Variants in FAM200B observed in about 807,000 individuals in gnomAD.
FAM200B encodes protein FAM200B.
In FAM200B, 32 loss-of-function variants were observed where a neutral mutation model predicts 33.1. The observed-to-expected ratio is 0.97, with a 90% confidence interval of 0.73 to 1.30. The LOEUF (loss-of-function observed/expected upper bound fraction) is 1.30. FAM200B is among the 50% of genes most tolerant of loss of function. The pLI, the probability that FAM200B is intolerant of heterozygous loss-of-function variation, is 0.00. For missense variants in FAM200B, 741 were observed against 754.0 expected, an observed-to-expected ratio of 0.98 and a Z score of 0.20; for synonymous variants, 240 against 264.8, an observed-to-expected ratio of 0.91 and a Z score of 0.91.
chr4:15,653,106 AT>A, the FAM200B span, among the ~76,000 whole-genome samples: 6,256 of 151,282 alleles, frequency 0.041, 278 homozygotes, highest in East Asian at 0.2. Context: ...ATTCCTATGC[AT>A]TTTTTTTTCC....
rs772467639 is a variant in FAM200B at position 15,688,792 on chromosome 4, C to T, written c.1815C>T (p.Phe605=). The T allele has an allele frequency of 3.2e-6, 5 of 1,551,350 alleles. No homozygotes were observed. The South Asian group carries it at 6.0e-5, about 18-fold the overall frequency. Residue 605 remains phenylalanine, a synonymous_variant, in exon 2 of 2, where the codon TTC becomes TTT. Transcript: ENST00000422728. ...AGAGTGTCCTGCTATTGCTACCATT[C>T]ACAACAACTAGTTTGTGTGAACTAG... ...SRKSVLLLLP[F]TTTSLCELGF... is the part of the protein sequence containing the mutation.
chr4:15,648,431 C>A, the FAM200B span, among the ~76,000 whole-genome samples: 1 of 152,160 alleles, frequency 6.6e-6, no homozygotes, highest in Non-Finnish European at 1.5e-5. Context: ...TATCTGCACT[C>A]CCATGTTCAA....
the FAM200B span, chr4:15,659,640 G>T: frequency 2.3e-6 from 1 of 431,126 alleles, no homozygotes. Flanking sequence ...GAGATATAAT[G>T]TGTATAGTGG....
At chr4:15,653,870 G>A in the FAM200B span, among the ~76,000 whole-genome samples, 2 of 152,158 alleles carry the variant, frequency 1.3e-5, no homozygotes, top group African/African-American at 2.4e-5. Flanking sequence ...TGATGTCTGG[G>A]TGAAATCCTA....
upstream of FAM200B, among the ~76,000 whole-genome samples, chr4:15,679,571 A>C (rs1016547207): frequency 2.0e-4 from 30 of 151,260 alleles, no homozygotes; most frequent in Non-Finnish European, 3.8e-4. Flanking sequence ...ACAAAAAAAA[A>C]AAAAAACAAA....
the FAM200B span, among the ~76,000 whole-genome samples, chr4:15,647,091 TGTG>T: frequency 1.3e-5 from 2 of 150,824 alleles, no homozygotes; most frequent in African/African-American, 2.4e-5. Context: ...GGAGTGGTGG[TGTG>T]CACCTGTAGT....
At chr4:15,682,845 G>T (rs1001659321) in intron 1 of FAM200B, among the ~76,000 whole-genome samples, 1 of 152,212 alleles carries the variant, frequency 6.6e-6, no homozygotes, top group Non-Finnish European at 1.5e-5. Flanking sequence ...ACATGAAAGT[G>T]CATGAACTAT....
the FAM200B span, among the ~76,000 whole-genome samples, chr4:15,658,803 C>T: frequency 6.6e-6 from 1 of 152,192 alleles, no homozygotes; most frequent in African/African-American, 2.4e-5. Context: ...TCGATAGCCA[C>T]AGAGGGCTTT....
chr4:15,674,054 T>G, the FAM200B span, among the ~76,000 whole-genome samples: 3 of 152,226 alleles, frequency 2.0e-5, no homozygotes, highest in African/African-American at 7.2e-5. Flanking sequence ...GAACAAAAAT[T>G]GATACATTCA....
chr4:15,668,976 A>G, the FAM200B span, among the ~76,000 whole-genome samples: 1 of 152,234 alleles, frequency 6.6e-6, no homozygotes, highest in East Asian at 1.9e-4. Context: ...AAGTCTGTAC[A>G]GACTTCATAA....
At chr4:15,645,039 G>C in the FAM200B span, among the ~76,000 whole-genome samples, 1,461 of 152,100 alleles carry the variant, frequency 9.6e-3, 20 homozygotes, top group African/African-American at 0.034. Flanking sequence ...GCTAAATACA[G>C]GCAGGCAGAA....
chr4:15,650,380 C>G, the FAM200B span, among the ~76,000 whole-genome samples: 1 of 152,154 alleles, frequency 6.6e-6, no homozygotes, highest in Non-Finnish European at 1.5e-5. Context: ...ATTTCCCTCT[C>G]TTATCTGTGA....
the FAM200B span, among the ~76,000 whole-genome samples, chr4:15,665,536 C>T: frequency 6.6e-6 from 1 of 152,174 alleles, no homozygotes; most frequent in Non-Finnish European, 1.5e-5. Context: ...GAATGCTAAA[C>T]ACCCACAGCT....
At chr4:15,677,793 T>C (rs565313460), upstream of FAM200B, among the ~76,000 whole-genome samples, 4 of 152,322 alleles carry the variant, frequency 2.6e-5, no homozygotes, top group African/African-American at 4.8e-5. Context: ...TGAGTCATTC[T>C]AGCAAATTAT....
At chr4:15,677,985 T>C (rs933705497), upstream of FAM200B, among the ~76,000 whole-genome samples, 24 of 152,172 alleles carry the variant, frequency 1.6e-4, no homozygotes, top group African/African-American at 4.8e-4. Context: ...CGAAATTGAA[T>C]TGCATTGTAG....
At chr4:15,665,880 T>C in the FAM200B span, among the ~76,000 whole-genome samples, 2 of 152,070 alleles carry the variant, frequency 1.3e-5, no homozygotes, top group East Asian at 3.9e-4. Context: ...TCTGACACCC[T>C]CCAAAGGAAT....
the FAM200B span, among the ~76,000 whole-genome samples, chr4:15,674,571 CATT>C: frequency 5.1e-4 from 78 of 152,040 alleles, no homozygotes; most frequent in African/African-American, 1.8e-3. Context: ...ATGAAACTTT[CATT>C]TTAATCATAA....
the FAM200B span, among the ~76,000 whole-genome samples, chr4:15,657,521 C>T: frequency 1.3e-5 from 2 of 152,192 alleles, no homozygotes; most frequent in African/African-American, 4.8e-5. Flanking sequence ...AAAAGTCCAT[C>T]CACACAGTTT....
the FAM200B span, among the ~76,000 whole-genome samples, chr4:15,665,043 T>C: frequency 6.6e-6 from 1 of 152,160 alleles, no homozygotes; most frequent in Non-Finnish European, 1.5e-5. Flanking sequence ...GGAATGTTTT[T>C]CATGTGCTCA....
Sources: gnomAD v4.1 joint callset for allele counts (sites outside exome capture counted in the v4.1 genomes callset) on GRCh38, gnomAD v4.1.1 for gene constraint, MANE v1.5 for transcripts, NCBI Gene and HGNC (gene_info 2026-07-23, HGNC 2026-07-21) for gene names.